Variants in RBFOX1 observed in about 807,000 individuals in gnomAD.
RBFOX1 encodes RNA binding protein fox-1 homolog 1.
Under a neutral mutation model 57.7 loss-of-function variants are expected in RBFOX1, and 8 were observed. That is an observed-to-expected ratio of 0.14 (90% CI 0.08 to 0.25). The LOEUF (loss-of-function observed/expected upper bound fraction) is 0.25. RBFOX1 is among the 10% of genes least tolerant of loss of function. The pLI, the probability that RBFOX1 is intolerant of heterozygous loss-of-function variation, is 1.00. For synonymous variants in RBFOX1, 326 were observed against 222.4 expected (o/e 1.47, Z -4.15); for missense variants, 611 against 548.5 (o/e 1.11, Z -1.14).
chr16:6,584,064 A>G (rs901304359), intron 2 of RBFOX1, among the ~76,000 whole-genome samples: 1 of 151,914 alleles, frequency 6.6e-6, no homozygotes, highest in African/African-American at 2.4e-5. Context: ...TAACAATAAT[A>G]AAGTCAACTG....
At chr16:7,155,547 G>C (rs1282475086) in intron 4 of RBFOX1, among the ~76,000 whole-genome samples, 2 of 150,456 alleles carry the variant, frequency 1.3e-5, no homozygotes, top group African/African-American at 4.9e-5. Flanking sequence ...CATGACTGGA[G>C]ATTGCACCAC....
chr16:6,997,702 T>G (rs2092387664), intron 3 of RBFOX1, among the ~76,000 whole-genome samples: 1 of 152,200 alleles, frequency 6.6e-6, no homozygotes, highest in African/African-American at 2.4e-5. Context: ...AAACTTTTGG[T>G]TAATGATTAG....
chr16:5,451,029 T>C (rs8059489), intron 1 of RBFOX1, among the ~76,000 whole-genome samples: 38,657 of 152,162 alleles, frequency 0.25, 6,048 homozygotes, highest in African/African-American at 0.45. Context: ...TGTAACCTGG[T>C]TGGCCAGTGC....
At chr16:5,719,143 C>G (rs1347739283) in intron 3 of RBFOX1, among the ~76,000 whole-genome samples, 2 of 151,522 alleles carry the variant, frequency 1.3e-5, no homozygotes, top group African/African-American at 4.8e-5. Flanking sequence ...GCATATAACC[C>G]AATAGGCTTA....
At chr16:5,995,134 A>C (rs1354796508) in intron 4 of RBFOX1, among the ~76,000 whole-genome samples, 1 of 152,222 alleles carries the variant, frequency 6.6e-6, no homozygotes. Flanking sequence ...CCTGCTTCGA[A>C]ATGTTAAGTG....
rs181228980 is a variant in RBFOX1 at position 5,544,897 on chromosome 16, T to C, written c.259-54005T>C. 4.1e-5 allele frequency among the ~76,000 whole-genome samples: 6 copies of C among 146,606 alleles called. No homozygotes were observed. The East Asian group carries it at 1.2e-3, about 29-fold the overall frequency. On this transcript the variant is annotated intron_variant, in intron 2 of 2. Coordinates refer to the RBFOX1 transcript ENST00000585867. Reference sequence around the variant, plus strand: ...AAGTTTTAGAGATTGAATTTGTAGTTAAAAACTTTCCCACAAAGACAAATA... The same window carrying C: ...AAGTTTTAGAGATTGAATTTGTAGTCAAAAACTTTCCCACAAAGACAAATA...
chr16:7,412,055 G>A (rs1027953075), intron 4 of RBFOX1, among the ~76,000 whole-genome samples: 1 of 152,108 alleles, frequency 6.6e-6, no homozygotes, highest in Non-Finnish European at 1.5e-5. Flanking sequence ...TAAAGCAATC[G>A]AAGTATAGGC....
intron 2 of RBFOX1, among the ~76,000 whole-genome samples, chr16:5,486,043 A>G (rs989885186): frequency 2.6e-5 from 4 of 152,170 alleles, no homozygotes; most frequent in Non-Finnish European, 4.4e-5. Flanking sequence ...CTGCTTCCCA[A>G]TAATTTATTC....
chr16:7,397,107 A>G (rs2098153276), intron 4 of RBFOX1, among the ~76,000 whole-genome samples: 1 of 152,226 alleles, frequency 6.6e-6, no homozygotes, highest in Admixed American at 6.5e-5. Flanking sequence ...TTTTCAGTGC[A>G]TGAGTGATCA....
intron 3 of RBFOX1, among the ~76,000 whole-genome samples, chr16:5,794,620 T>C (rs568603953): frequency 6.6e-6 from 1 of 152,128 alleles, no homozygotes; most frequent in Admixed American, 6.5e-5. Context: ...GTGAGCAAAA[T>C]GAGTTTGCCT....
At chr16:6,308,205 A>G (rs1197021798) in intron 1 of RBFOX1, among the ~76,000 whole-genome samples, 5 of 151,962 alleles carry the variant, frequency 3.3e-5, no homozygotes, top group African/African-American at 7.2e-5. Flanking sequence ...TTGTGTATTT[A>G]TCTATTTGGA....
chr16:7,490,128 G>C (rs746662430), intron 4 of RBFOX1, among the ~76,000 whole-genome samples: 2 of 152,180 alleles, frequency 1.3e-5, no homozygotes, highest in Non-Finnish European at 2.9e-5. Flanking sequence ...GGAGGAGGCT[G>C]CAGAACTTCC....
intron 3 of RBFOX1, among the ~76,000 whole-genome samples, chr16:6,884,424 G>C (rs1161398785): frequency 2.0e-5 from 3 of 152,186 alleles, no homozygotes; most frequent in African/African-American, 7.2e-5. Flanking sequence ...AGTGAGGACA[G>C]TAAAGTCTCT....
At chr16:5,593,126 T>C (rs1005355303) in intron 2 of RBFOX1, among the ~76,000 whole-genome samples, 1 of 151,616 alleles carries the variant, frequency 6.6e-6, no homozygotes, top group African/African-American at 2.4e-5. Context: ...AGAAAGAAAA[T>C]GTGGCACATA....
At chr16:6,684,730 C>A (rs1449639634) in intron 3 of RBFOX1, among the ~76,000 whole-genome samples, 3 of 152,254 alleles carry the variant, frequency 2.0e-5, no homozygotes, top group Middle Eastern at 6.8e-3. Flanking sequence ...AGGGCCTAGC[C>A]CCCTGTCGTG....
chr16:7,078,695 T>G (rs1177208989), intron 4 of RBFOX1, among the ~76,000 whole-genome samples: 2 of 146,338 alleles, frequency 1.4e-5, no homozygotes, highest in Non-Finnish European at 1.5e-5. Flanking sequence ...TATTTTATTT[T>G]TTTTTGAGAC....
intron 1 of RBFOX1, among the ~76,000 whole-genome samples, chr16:5,292,425 G>A (rs1439149384): frequency 6.6e-6 from 1 of 152,172 alleles, no homozygotes; most frequent in Non-Finnish European, 1.5e-5. Context: ...TAATGTTGCT[G>A]TGGAAAGCCT....
intron 3 of RBFOX1, among the ~76,000 whole-genome samples, chr16:6,709,248 C>G (rs770617218): frequency 1.3e-5 from 2 of 152,094 alleles, no homozygotes; most frequent in Non-Finnish European, 1.5e-5. Context: ...CAGTTTCACA[C>G]GAGCGGATGC....
chr16:6,723,925 A>G (rs1229533058), intron 3 of RBFOX1: 1 of 152,182 alleles, frequency 6.6e-6, no homozygotes, highest in African/African-American at 2.4e-5. Flanking sequence ...CATCAGGAAA[A>G]TAGGAAGTTG....
Sources: gnomAD v4.1 joint callset for allele counts (sites outside exome capture counted in the v4.1 genomes callset) on GRCh38, gnomAD v4.1.1 for gene constraint, MANE v1.5 for transcripts, NCBI Gene and HGNC (gene_info 2026-07-23, HGNC 2026-07-21) for gene names.